The following BRD10 variants were observed in gnomAD, a reference collection of about 807,000 sequenced individuals.
BRD10 encodes uncharacterized bromodomain-containing protein 10.
the BRD10 span, chr9:5,899,186 G>A: frequency 6.6e-6 from 1 of 152,180 alleles, no homozygotes; most frequent in African/African-American, 2.4e-5. Context: ...TGGAAAAAAA[G>A]TATCTTTCCA....
chr9:5,918,170 CG>C, the BRD10 span, among the ~76,000 whole-genome samples: 1 of 152,102 alleles, frequency 6.6e-6, no homozygotes, highest in South Asian at 2.1e-4. Flanking sequence ...GCATAAATAG[CG>C]GTTTCTGAGA....
the BRD10 span, chr9:5,920,365 G>T: frequency 6.2e-7 from 1 of 1,613,816 alleles, no homozygotes; most frequent in Non-Finnish European, 8.5e-7. Flanking sequence ...TGGTATTGAT[G>T]ACTATTTTTT....
chr9:5,970,571 AATAG>A, the BRD10 span, among the ~76,000 whole-genome samples: 2 of 152,222 alleles, frequency 1.3e-5, no homozygotes, highest in South Asian at 4.1e-4. Context: ...ACAAGAGAAA[AATAG>A]ATAAACTGGG....
At chr9:5,941,371 A>T in the BRD10 span, among the ~76,000 whole-genome samples, 1 of 152,204 alleles carries the variant, frequency 6.6e-6, no homozygotes, top group Non-Finnish European at 1.5e-5. Context: ...TCTTCTTTAG[A>T]TCATGAAAGA....
At chr9:6,003,426 T>C in the BRD10 span, among the ~76,000 whole-genome samples, 1 of 152,238 alleles carries the variant, frequency 6.6e-6, no homozygotes, top group Non-Finnish European at 1.5e-5. Context: ...CCTTTCCACT[T>C]AGATGATCTT....
the BRD10 span, among the ~76,000 whole-genome samples, chr9:5,997,788 A>G: frequency 0.2 from 30,294 of 152,116 alleles, 3,241 homozygotes; most frequent in Middle Eastern, 0.31. Flanking sequence ...ATATTAACTA[A>G]GCACTTATAG....
chr9:5,999,604 G>C, the BRD10 span, among the ~76,000 whole-genome samples: 1 of 151,958 alleles, frequency 6.6e-6, no homozygotes, highest in Non-Finnish European at 1.5e-5. Context: ...CTGTGATCTG[G>C]CTACATAATC....
the BRD10 span, among the ~76,000 whole-genome samples, chr9:5,995,722 T>C: frequency 6.6e-6 from 1 of 152,184 alleles, no homozygotes; most frequent in Non-Finnish European, 1.5e-5. Context: ...AATTGGACTT[T>C]GCAGAAAGAA....
the BRD10 span, among the ~76,000 whole-genome samples, chr9:5,917,238 A>G: frequency 6.6e-6 from 1 of 152,252 alleles, no homozygotes; most frequent in East Asian, 1.9e-4. Context: ...GCACAATATA[A>G]TAATGCTGGC....
chr9:5,956,924 C>T, the BRD10 span, among the ~76,000 whole-genome samples: 1 of 152,094 alleles, frequency 6.6e-6, no homozygotes, highest in East Asian at 1.9e-4. Context: ...TCCCTAAATA[C>T]AAGAATCCTA....
At chr9:5,900,622 A>C in the BRD10 span, among the ~76,000 whole-genome samples, 1 of 152,188 alleles carries the variant, frequency 6.6e-6, no homozygotes, top group Non-Finnish European at 1.5e-5. Context: ...AATCTTCATT[A>C]AGCTTGAAAT....
the BRD10 span, among the ~76,000 whole-genome samples, chr9:5,892,929 A>C: frequency 6.6e-6 from 1 of 152,194 alleles, no homozygotes; most frequent in Non-Finnish European, 1.5e-5. Flanking sequence ...AGACAGAATA[A>C]AAGTGAGTTG....
the BRD10 span, among the ~76,000 whole-genome samples, chr9:5,879,191 G>A: frequency 1.7e-4 from 26 of 152,098 alleles, no homozygotes; most frequent in Non-Finnish European, 3.7e-4. Flanking sequence ...GGCTGGGTGC[G>A]GTGGCTCACA....
At chr9:5,889,692 G>T in the BRD10 span, among the ~76,000 whole-genome samples, 1 of 152,098 alleles carries the variant, frequency 6.6e-6, no homozygotes, top group Non-Finnish European at 1.5e-5. Flanking sequence ...GGCTGAGGCA[G>T]GAGAATTGCT....
the BRD10 span, among the ~76,000 whole-genome samples, chr9:5,977,049 TAAGGACATACAGA>T: frequency 6.6e-6 from 1 of 152,208 alleles, no homozygotes; most frequent in East Asian, 1.9e-4. Flanking sequence ...CTGCGAATAT[TAAGGACATACAGA>T]AAGGTGAAAT....
chr9:5,920,079 C>T, the BRD10 span: 1 of 1,613,910 alleles, frequency 6.2e-7, no homozygotes, highest in Non-Finnish European at 8.5e-7. Context: ...ATAGAACTTG[C>T]ATTCCCAAAA....
chr9:5,918,406 G>C, the BRD10 span, among the ~76,000 whole-genome samples: 12 of 152,208 alleles, frequency 7.9e-5, no homozygotes, highest in South Asian at 1.5e-3. Flanking sequence ...AAATATAAAA[G>C]CTACCTTTTA....
At chr9:5,975,916 C>T in the BRD10 span, among the ~76,000 whole-genome samples, 1 of 151,966 alleles carries the variant, frequency 6.6e-6, no homozygotes, top group Non-Finnish European at 1.5e-5. Context: ...ATGGACGAGG[C>T]AGAAAAGAAC....
the BRD10 span, among the ~76,000 whole-genome samples, chr9:6,005,318 C>G: frequency 6.6e-6 from 1 of 151,544 alleles, no homozygotes; most frequent in Non-Finnish European, 1.5e-5. Flanking sequence ...TGAGACCAGC[C>G]TGGCCAACAT....
Sources: gnomAD v4.1 joint callset for allele counts (sites outside exome capture counted in the v4.1 genomes callset) on GRCh38, gnomAD v4.1.1 for gene constraint, MANE v1.5 for transcripts, NCBI Gene and HGNC (gene_info 2026-07-23, HGNC 2026-07-21) for gene names.